The following UTRN variants were observed in gnomAD, a reference collection of about 807,000 sequenced individuals.
UTRN encodes the protein dystrophin-related protein 1.
Under a neutral mutation model 463.9 loss-of-function variants are expected in UTRN, and 283 were observed. That is an observed-to-expected ratio of 0.61 (90% CI 0.55 to 0.67). The LOEUF is 0.67. Among genes scored for constraint, UTRN ranks in the 30% least tolerant of loss-of-function variants. The pLI is 0.00. For synonymous variants in UTRN, 1,442 were observed against 1,431.5 expected (o/e 1.01, Z -0.17); for missense variants, 3,922 against 4,084.3 (o/e 0.96, Z 1.08).
At chr6:144,318,574 A>C (rs1211605247) in intron 2 of UTRN, among the ~76,000 whole-genome samples, 2 of 151,830 alleles carry the variant, frequency 1.3e-5, no homozygotes, top group Non-Finnish European at 2.9e-5. Flanking sequence ...GGTGATCCTC[A>C]TGCCTCAGCC....
intron 31 of UTRN, 32 bp downstream of exon 31, chr6:144,490,231 T>A: frequency 1.3e-6 from 2 of 1,571,720 alleles, no homozygotes; most frequent in Non-Finnish European, 1.7e-6. Context: ...CTTTTACTTT[T>A]CAACTTGTTG....
chr6:144,695,246 A>C (rs1485459635), intron 52 of UTRN, among the ~76,000 whole-genome samples: 1 of 152,108 alleles, frequency 6.6e-6, no homozygotes, highest in Non-Finnish European at 1.5e-5. Context: ...TTCTTTGACC[A>C]TGGTGTGGCC....
intron 53 of UTRN, among the ~76,000 whole-genome samples, chr6:144,721,502 G>A (rs1290326272): frequency 1.3e-5 from 2 of 152,160 alleles, no homozygotes; most frequent in Non-Finnish European, 2.9e-5. Flanking sequence ...AGCCACCACA[G>A]CCAGCCTCAG....
At chr6:144,495,334 C>T (rs1026636122) in intron 33 of UTRN, among the ~76,000 whole-genome samples, 1 of 152,250 alleles carries the variant, frequency 6.6e-6, no homozygotes, top group South Asian at 2.1e-4. Context: ...TTGAGCGCAG[C>T]GCCGGTGGGC....
Position 144,384,447 on chromosome 6 carries a change from G to C in UTRN, c.80-18676G>C, listed in dbSNP as rs556218542. Among the ~76,000 whole-genome samples, 3 of 152,250 alleles carry C rather than the reference G, an allele frequency of 2.0e-5. No homozygotes were observed. In the East Asian group the frequency reaches 5.8e-4, roughly 29 times the overall value. On this transcript the variant is annotated intron_variant, in intron 2 of 74. Coordinates refer to ENST00000367545, the MANE Select transcript of UTRN (RefSeq NM_007124.3). The stretch of plus-strand genomic sequence containing the variant: ...ATGCCTGATGATCTGTGGTGAAACA[G>C]TTTCATCCCGAAACCACTCCCCCAC...
At chr6:144,824,204 A>G (rs1002408356) in intron 66 of UTRN, among the ~76,000 whole-genome samples, 8 of 151,934 alleles carry the variant, frequency 5.3e-5, no homozygotes, top group African/African-American at 1.9e-4. Flanking sequence ...AGCCATGCCA[A>G]AGTGTTTGGA....
intron 51 of UTRN, among the ~76,000 whole-genome samples, chr6:144,581,513 T>A (rs1160831062): frequency 1.3e-5 from 2 of 152,172 alleles, no homozygotes; most frequent in Non-Finnish European, 2.9e-5. Context: ...TTAGCCTCAT[T>A]TTCATCGTCT....
At chr6:144,517,053 A>C (rs1281401732) in intron 39 of UTRN, 105 bp downstream of exon 39, 1 of 1,007,184 alleles carries the variant, frequency 9.9e-7, no homozygotes, top group Non-Finnish European at 1.3e-6. Context: ...CACCAGTTGG[A>C]ATATCATCTC....
At chr6:144,316,400 A>G (rs988034322) in intron 2 of UTRN, among the ~76,000 whole-genome samples, 3 of 152,218 alleles carry the variant, frequency 2.0e-5, no homozygotes, top group African/African-American at 7.2e-5. Context: ...GGGTAAATAT[A>G]TTAGTAGTAT....
intron 53 of UTRN, chr6:144,708,255 C>T: frequency 1.6e-6 from 1 of 644,914 alleles, no homozygotes; most frequent in Non-Finnish European, 3.0e-6. Context: ...GCGATTGCTT[C>T]AATACTTGGA....
At chr6:144,634,560 G>A (rs1007544166) in intron 51 of UTRN, among the ~76,000 whole-genome samples, 4 of 152,154 alleles carry the variant, frequency 2.6e-5, no homozygotes, top group Admixed American at 1.3e-4. Flanking sequence ...TTTTGTAAAA[G>A]CTTTGTTGCA....
At chr6:144,682,749 A>T (rs1009599863) in intron 52 of UTRN, among the ~76,000 whole-genome samples, 1 of 152,254 alleles carries the variant, frequency 6.6e-6, no homozygotes, top group Non-Finnish European at 1.5e-5. Context: ...AAAAATGAAT[A>T]AGATAAAATT....
intron 50 of UTRN, among the ~76,000 whole-genome samples, chr6:144,574,130 G>C (rs1325197626): frequency 6.6e-6 from 1 of 152,108 alleles, no homozygotes; most frequent in African/African-American, 2.4e-5. Context: ...ATATTCTAGA[G>C]AAAAAGGAGC....
chr6:144,640,194 C>T (rs1048573817), intron 51 of UTRN, among the ~76,000 whole-genome samples: 7 of 152,068 alleles, frequency 4.6e-5, no homozygotes, highest in Admixed American at 3.3e-4. Flanking sequence ...GAAACATCTC[C>T]CCCCTCCACC....
At chr6:144,738,867 T>C (rs1171057985) in intron 54 of UTRN, among the ~76,000 whole-genome samples, 5 of 152,206 alleles carry the variant, frequency 3.3e-5, no homozygotes, top group African/African-American at 1.2e-4. Context: ...TCAATTTTGC[T>C]TAATTTAAAT....
chr6:144,594,333 A>G (rs778226548), intron 51 of UTRN, among the ~76,000 whole-genome samples: 2 of 152,120 alleles, frequency 1.3e-5, no homozygotes, highest in African/African-American at 4.8e-5. Context: ...CTCCCAGGAG[A>G]TTACTGTAGT....
In UTRN at chr6:144,476,564, G is replaced by A. The variant is rs576511440; in HGVS notation, c.3336+1805G>A. Among the ~76,000 whole-genome samples, 7 of 152,286 alleles carry A rather than the reference G, an allele frequency of 4.6e-5. No homozygotes were observed. The East Asian group carries it at 1.4e-3, about 29-fold the overall frequency. On this transcript the variant is annotated intron_variant, in intron 25 of 74. Coordinates refer to ENST00000367545, the MANE Select transcript of UTRN (RefSeq NM_007124.3). Reference sequence around the variant, plus strand: ...TAACGAAGGAGAAGCTTCTGTGGGTGTAGGTGAAATGATGACTACCATTCT... The same window carrying A: ...TAACGAAGGAGAAGCTTCTGTGGGTATAGGTGAAATGATGACTACCATTCT...
chr6:144,715,690 TC>T (rs1473838221), intron 53 of UTRN, among the ~76,000 whole-genome samples: 3 of 121,686 alleles, frequency 2.5e-5, no homozygotes, highest in Admixed American at 1.5e-4. Flanking sequence ...ATTCTCTCTC[TC>T]TTCCCCCCCC....
At chr6:144,824,448 C>T (rs1779878046) in intron 66 of UTRN, among the ~76,000 whole-genome samples, 1 of 85,204 alleles carries the variant, frequency 1.2e-5, no homozygotes, top group South Asian at 3.6e-4. Flanking sequence ...TATATATACA[C>T]ATATACAATA....
Sources: gnomAD v4.1 joint callset for allele counts (sites outside exome capture counted in the v4.1 genomes callset) on GRCh38, gnomAD v4.1.1 for gene constraint, MANE v1.5 for transcripts, NCBI Gene and HGNC (gene_info 2026-07-23, HGNC 2026-07-21) for gene names.